The following CDH1 variants were observed in gnomAD, a reference collection of about 807,000 sequenced individuals.
The protein encoded by CDH1 is cadherin-1.
Under a neutral mutation model 84.5 loss-of-function variants are expected in CDH1, and 35 were observed. That is an observed-to-expected ratio of 0.41 (90% CI 0.32 to 0.55). The LOEUF (loss-of-function observed/expected upper bound fraction) is 0.55. Ranked by LOEUF, CDH1 falls within the 20% of genes least tolerant of loss-of-function variation. The pLI, the probability that CDH1 is intolerant of heterozygous loss-of-function variation, is 0.19. For missense variants in CDH1, 994 were observed against 1,126.6 expected, an observed-to-expected ratio of 0.88 and a Z score of 1.68; for synonymous variants, 417 against 439.0, an observed-to-expected ratio of 0.95 and a Z score of 0.63.
intron 13 of CDH1, among the ~76,000 whole-genome samples, chr16:68,824,054 A>G (rs1211263993): frequency 2.8e-5 from 4 of 141,358 alleles, no homozygotes; most frequent in South Asian, 4.4e-4. Context: ...CTGGAGTGCA[A>G]TGGTGTGATC....
At chr16:68,785,587 C>T (rs1263657416) in intron 2 of CDH1, among the ~76,000 whole-genome samples, 1 of 152,178 alleles carries the variant, frequency 6.6e-6, no homozygotes, top group Non-Finnish European at 1.5e-5. Context: ...GATCCTCCCA[C>T]CTCAGCCTCC....
chr16:68,833,259 C>T (rs2152143787), intron 15 of CDH1, 31 bp from the exon 16 acceptor site: 1 of 1,598,758 alleles, frequency 6.3e-7, no homozygotes, highest in Non-Finnish European at 8.6e-7. Flanking sequence ...CTTCCTTTCA[C>T]TAAAAGATGC....
chr16:68,799,540 T>C (rs1960443270), intron 2 of CDH1, among the ~76,000 whole-genome samples: 1 of 151,942 alleles, frequency 6.6e-6, no homozygotes, highest in African/African-American at 2.4e-5. Flanking sequence ...ATCTTTCCTA[T>C]AATTTCCTAT....
chr16:68,751,650 G>A (rs1180912160), intron 2 of CDH1, among the ~76,000 whole-genome samples: 1 of 151,790 alleles, frequency 6.6e-6, no homozygotes, highest in African/African-American at 2.4e-5. Context: ...TTAGAGGCAT[G>A]GGCCACCACG....
intron 13 of CDH1, among the ~76,000 whole-genome samples, chr16:68,827,533 T>C (rs111258604): frequency 2.1e-4 from 32 of 152,284 alleles, no homozygotes; most frequent in African/African-American, 7.0e-4. Flanking sequence ...GGAAGTTAAA[T>C]AGATTTTAAA....
Position 68,825,112 on chromosome 16 carries a change from A to T in CDH1, c.2164+1486A>T, listed in dbSNP as rs535810881. Among the ~76,000 whole-genome samples, 733 of 125,182 alleles carry T rather than the reference A, an allele frequency of 5.9e-3. 5 individuals are homozygous for T. The highest frequency in any genetic ancestry group is 0.017 in the African/African-American group (669 of 39,632). 82.1% of individuals were successfully genotyped at this position (125,182 alleles called of 152,430 possible). On this transcript the variant is annotated intron_variant, in intron 13 of 15. Coordinates refer to ENST00000261769, the MANE Select transcript of CDH1 (RefSeq NM_004360.5). ...AAAATAAAAAATACATTTTTTTATT[A>T]AAAAAAATTTTTTAAAAGAAATGTT...
At chr16:68,828,092 G>T (rs2152141277) in intron 13 of CDH1, 82 bp from the exon 14 acceptor site, 2 of 1,518,892 alleles carry the variant, frequency 1.3e-6, no homozygotes, top group South Asian at 1.1e-5. Context: ...TCTGGTATGA[G>T]GGGTGCTCTG....
chr16:68,757,767 C>T lies in CDH1; in HGVS notation c.163+19356C>T, dbSNP rs535642198. On this transcript the variant is annotated intron_variant, in intron 2 of 15. Coordinates refer to ENST00000261769, the MANE Select transcript of CDH1 (RefSeq NM_004360.5). ...TCTCTCTCTTTTTCTTTCTCTCTCTCTCCTTCCTTCCTTCCTTCCTTCCTT... is the reference window on the plus strand; with the variant it reads ...TCTCTCTCTTTTTCTTTCTCTCTCTTTCCTTCCTTCCTTCCTTCCTTCCTT... 2.0e-5 allele frequency among the ~76,000 whole-genome samples: 3 copies of T among 148,036 alleles called. No individual in the cohort carries two copies. The East Asian group carries it at 6.0e-4, about 30-fold the overall frequency.
At chr16:68,829,914 C>G (rs1961438046) in intron 15 of CDH1, 117 bp downstream of exon 15, 1 of 1,090,664 alleles carries the variant, frequency 9.2e-7, no homozygotes, top group African/African-American at 1.6e-5. Context: ...TTCAGCTTGC[C>G]TGAGCCCTGG....
chr16:68,828,365 T>C (rs1484202030), intron 14 of CDH1, 61 bp downstream of exon 14: 1 of 1,566,626 alleles, frequency 6.4e-7, no homozygotes, highest in Non-Finnish European at 8.8e-7. Flanking sequence ...AAGCAATGAT[T>C]AGTAAGAGGT....
At chr16:68,792,608 G>C (rs187634645) in intron 2 of CDH1, among the ~76,000 whole-genome samples, 1 of 152,180 alleles carries the variant, frequency 6.6e-6, no homozygotes, top group Non-Finnish European at 1.5e-5. Context: ...GGCGTTTGCC[G>C]TCAGAGAAGG....
intron 2 of CDH1, among the ~76,000 whole-genome samples, chr16:68,780,018 C>T (rs1237970679): frequency 6.6e-6 from 1 of 152,234 alleles, no homozygotes; most frequent in Non-Finnish European, 1.5e-5. Flanking sequence ...GCTCCAGCTA[C>T]GTCTGACTTT....
chr16:68,743,467 G>A (rs1375114754), intron 2 of CDH1, among the ~76,000 whole-genome samples: 1 of 151,968 alleles, frequency 6.6e-6, no homozygotes, highest in Non-Finnish European at 1.5e-5. Flanking sequence ...CCATGTTCAA[G>A]TGATTCTCCA....
At chr16:68,774,877 G>T (rs1370472517) in intron 2 of CDH1, among the ~76,000 whole-genome samples, 1 of 152,140 alleles carries the variant, frequency 6.6e-6, no homozygotes, top group African/African-American at 2.4e-5. Context: ...ATAAATCCAC[G>T]TGGTTAGTTT....
At chr16:68,821,198 C>T (rs955092064) in intron 11 of CDH1, among the ~76,000 whole-genome samples, 2 of 151,920 alleles carry the variant, frequency 1.3e-5, no homozygotes, top group African/African-American at 4.8e-5. Context: ...ATGGGCTGGG[C>T]GCAGTGGCTC....
chr16:68,753,110 G>A (rs1597850887), intron 2 of CDH1, among the ~76,000 whole-genome samples: 1 of 150,692 alleles, frequency 6.6e-6, no homozygotes, highest in Non-Finnish European at 1.5e-5. Context: ...CACTTCGGGA[G>A]GCCGAGGCAC....
chr16:68,743,316 TTTC>T (rs1567473819), intron 2 of CDH1, among the ~76,000 whole-genome samples: 11 of 20,744 alleles, frequency 5.3e-4, no homozygotes, highest in South Asian at 1.4e-3. Flanking sequence ...TCTTTCTTTC[TTTC>T]TTTCTTTCTT....
chr16:68,820,430 A>G (rs1187251860), intron 11 of CDH1, among the ~76,000 whole-genome samples: 5 of 149,164 alleles, frequency 3.4e-5, no homozygotes, highest in African/African-American at 9.9e-5. Context: ...GGCTCACTGC[A>G]GCTTCCGCCT....
chr16:68,738,324 G>A lies in CDH1; in HGVS notation c.76G>A (p.Glu26Lys), dbSNP rs786201058. ...CTCCTCTTGGCTCTGCCAGGAGCCG[G>A]AGCCCTGCCACCCTGGCTTTGACGC... is the stretch of plus-strand genomic sequence containing the variant. ...QVSSWLCQEP[E>K]PCHPGFDAES... Residue 26 changes from glutamate to lysine, a missense_variant, in exon 2 of 16, where the codon GAG becomes AAG. Physicochemically the swap from Glu to Lys is moderately conservative, Grantham distance 56 (BLOSUM62 1). Transcript: ENST00000261769. 2 of 1,551,278 alleles carry A rather than the reference G, an allele frequency of 1.3e-6. No individual in the cohort carries two copies. Among genetic ancestry groups the A allele is most frequent in the South Asian group, 1.2e-5 (1 of 84,042 alleles).
Sources: gnomAD v4.1 joint callset for allele counts (sites outside exome capture counted in the v4.1 genomes callset) on GRCh38, gnomAD v4.1.1 for gene constraint, MANE v1.5 for transcripts, NCBI Gene and HGNC (gene_info 2026-07-23, HGNC 2026-07-21) for gene names.